The following CATSPER3 variants were observed in gnomAD, a reference collection of about 807,000 sequenced individuals.
CATSPER3 encodes the protein cation channel sperm-associated protein 3.
Under a neutral mutation model 36.6 loss-of-function variants are expected in CATSPER3, and 23 were observed. That is an observed-to-expected ratio of 0.63 (90% CI 0.45 to 0.89). CATSPER3 has a LOEUF of 0.89. CATSPER3 is among the 40% of genes least tolerant of loss of function. The probability of loss-of-function intolerance (pLI) is 0.00; values close to 1 mark genes in which losing one functional copy is unlikely to be tolerated. For synonymous variants in CATSPER3, 172 were observed against 184.1 expected, an observed-to-expected ratio of 0.93 and a Z score of 0.53; for missense variants, 474 against 503.9, an observed-to-expected ratio of 0.94 and a Z score of 0.57.
chr5:134,979,337 A>G (rs1397549587), intron 2 of CATSPER3, among the ~76,000 whole-genome samples: 6 of 152,066 alleles, frequency 3.9e-5, no homozygotes, highest in African/African-American at 7.2e-5. Context: ...GGGTCTCGCT[A>G]TGCTGCCCAG....
intron 2 of CATSPER3, among the ~76,000 whole-genome samples, chr5:134,974,617 TA>T (rs985401020): frequency 1.3e-5 from 2 of 152,202 alleles, no homozygotes; most frequent in African/African-American, 4.8e-5. Flanking sequence ...ATAAAAAGGT[TA>T]AAAATATACT....
intron 5 of CATSPER3, 38 bp downstream of exon 5, chr5:135,009,019 G>A (rs371425265): frequency 1.2e-5 from 19 of 1,613,670 alleles, no homozygotes; most frequent in East Asian, 2.2e-5. Context: ...GTCAGGGCAG[G>A]TGTGGCAGAT....
chr5:135,008,037 C>CCTCCTCATGTACCCAGAA lies in CATSPER3; in HGVS notation c.573_574insCTCCTCATGTACCCAGAA (p.Phe191_Ala192insLeuLeuMetTyrProGlu). 6.2e-7 allele frequency: 1 copy of CCTCCTCATGTACCCAGAA among 1,614,098 alleles called. No homozygotes were observed. The highest frequency in any genetic ancestry group is 8.5e-7 in the Non-Finnish European group (1 of 1,179,926). ...TGCTCTTCCTCCTCATGTACATCTT[C>CCTCCTCATGTACCCAGAA]GCTATCTTGGGCTTCTGCCTGTTTG... On this transcript the variant is annotated inframe_insertion, in exon 4 of 8. Coordinates refer to ENST00000282611, the MANE Select transcript of CATSPER3 (RefSeq NM_178019.3).
chr5:134,995,200 A>C (rs115299415), intron 2 of CATSPER3, among the ~76,000 whole-genome samples: 1 of 151,988 alleles, frequency 6.6e-6, no homozygotes, highest in African/African-American at 2.4e-5. Flanking sequence ...GATGTTAACT[A>C]TAGTCACTTC....
chr5:134,999,795 A>G (rs1490011186), intron 3 of CATSPER3, among the ~76,000 whole-genome samples: 1 of 152,214 alleles, frequency 6.6e-6, no homozygotes, highest in Non-Finnish European at 1.5e-5. Flanking sequence ...TTATCAGCTC[A>G]AGGAGATTTT....
At chr5:134,980,389 C>T in intron 2 of CATSPER3, among the ~76,000 whole-genome samples, 1 of 148,012 alleles carries the variant, frequency 6.8e-6, no homozygotes, top group Non-Finnish European at 1.5e-5. Context: ...TCCCTCCTTC[C>T]CTCCTTCCCT....
chr5:134,977,318 G>C (rs1465936002), intron 2 of CATSPER3, among the ~76,000 whole-genome samples: 1 of 152,110 alleles, frequency 6.6e-6, no homozygotes, highest in Non-Finnish European at 1.5e-5. Flanking sequence ...AAGCAGCCAG[G>C]ACACATCTTG....
In CATSPER3 at chr5:134,996,282, A is replaced by G. The variant is rs1248461541; in HGVS notation, c.262A>G (p.Ile88Val). ...RLFRLLEFSEIFFVSICTSEL... is the reference protein window; with the variant it reads ...RLFRLLEFSEVFFVSICTSEL... The stretch of plus-strand genomic sequence containing the variant: ...CTTGCTACCCCTGTAGTTCTCGGAG[A>G]TCTTCTTTGTGTCCATCTGCACATC... Residue 88 changes from isoleucine to valine, a missense_variant, in exon 3 of 8, where the codon ATC becomes GTC. Coordinates refer to ENST00000282611, the MANE Select transcript of CATSPER3 (RefSeq NM_178019.3). 1.2e-6 allele frequency: 2 copies of G among 1,614,144 alleles called. No individual in the cohort carries two copies. Among genetic ancestry groups the G allele is most frequent in the Non-Finnish European group, 1.7e-6 (2 of 1,180,026 alleles).
intron 4 of CATSPER3, among the ~76,000 whole-genome samples, 160 bp from the exon 5 acceptor site, chr5:135,008,681 C>A (rs533817748): frequency 1.3e-5 from 2 of 152,186 alleles, no homozygotes; most frequent in Admixed American, 6.5e-5. Flanking sequence ...CAGGCCATCA[C>A]GTATGTGCTG....
chr5:135,007,382 C>T (rs1379477750), intron 3 of CATSPER3, among the ~76,000 whole-genome samples: 4 of 152,212 alleles, frequency 2.6e-5, no homozygotes, highest in Non-Finnish European at 4.4e-5. Flanking sequence ...GAGTCATACA[C>T]GGTGCTCCCC....
intron 2 of CATSPER3, among the ~76,000 whole-genome samples, chr5:134,986,160 C>G (rs1352387590): frequency 8.5e-6 from 1 of 117,484 alleles, no homozygotes; most frequent in Non-Finnish European, 1.9e-5. Flanking sequence ...TTTTTTTTTT[C>G]TGAGATGGAG....
At chr5:134,968,639 C>T in intron 1 of CATSPER3, 4 of 149,886 alleles carry the variant, frequency 2.7e-5, no homozygotes, top group Non-Finnish European at 5.8e-5. Context: ...TGCAGTGAGC[C>T]AAGATTGCAC....
chr5:134,994,115 ACT>A (rs1751915636), intron 2 of CATSPER3, among the ~76,000 whole-genome samples: 1 of 152,080 alleles, frequency 6.6e-6, no homozygotes, highest in Non-Finnish European at 1.5e-5. Context: ...ACAGATTGAG[ACT>A]CTGTCTCAAA....
At chr5:134,983,037 G>A (rs1028364843) in intron 2 of CATSPER3, among the ~76,000 whole-genome samples, 5 of 151,750 alleles carry the variant, frequency 3.3e-5, no homozygotes, top group African/African-American at 1.2e-4. Context: ...TAAGCACTAA[G>A]GGAACAACCA....
intron 2 of CATSPER3, among the ~76,000 whole-genome samples, chr5:134,977,375 T>G (rs1482866699): frequency 6.6e-6 from 1 of 152,212 alleles, no homozygotes; most frequent in South Asian, 2.1e-4. Flanking sequence ...CCCTAAGTCA[T>G]CACTCTTATG....
At chr5:135,007,673 C>T (rs1015257993) in intron 3 of CATSPER3, among the ~76,000 whole-genome samples, 3 of 152,238 alleles carry the variant, frequency 2.0e-5, no homozygotes, top group African/African-American at 7.2e-5. Flanking sequence ...GTGGTCACCT[C>T]AGACCTGAGA....
chr5:134,982,312 A>G (rs1244241950), intron 2 of CATSPER3, among the ~76,000 whole-genome samples: 3 of 152,322 alleles, frequency 2.0e-5, no homozygotes, highest in Non-Finnish European at 2.9e-5. Flanking sequence ...AAATTCCCAA[A>G]TTTGATGAGA....
intron 2 of CATSPER3, among the ~76,000 whole-genome samples, chr5:134,989,773 A>G (rs1158720031): frequency 1.3e-5 from 2 of 152,174 alleles, no homozygotes; most frequent in Non-Finnish European, 2.9e-5. Flanking sequence ...AATAACTTTT[A>G]ATTTTCTTCA....
At chr5:134,984,062 G>A (rs1258480482) in intron 2 of CATSPER3, among the ~76,000 whole-genome samples, 1 of 152,206 alleles carries the variant, frequency 6.6e-6, no homozygotes, top group Non-Finnish European at 1.5e-5. Flanking sequence ...AATAAATGGT[G>A]TGGGGAGAAC....
Sources: gnomAD v4.1 joint callset for allele counts (sites outside exome capture counted in the v4.1 genomes callset) on GRCh38, gnomAD v4.1.1 for gene constraint, MANE v1.5 for transcripts, NCBI Gene and HGNC (gene_info 2026-07-23, HGNC 2026-07-21) for gene names.